CSMD1: variants seen among roughly 807,000 people sequenced by gnomAD.
CSMD1 encodes the protein CUB and Sushi multiple domains 1.
A neutral mutation model predicts 417.5 loss-of-function variants in CSMD1; 213 were observed. The ratio of observed to expected loss-of-function variants is 0.51; its 90% CI spans 0.46 to 0.57. The LOEUF (loss-of-function observed/expected upper bound fraction) is 0.57. CSMD1 is among the 20% of genes least tolerant of loss of function. CSMD1 has a pLI of 0.00. For missense variants in CSMD1, 6,923 were observed against 4,529.7 expected (o/e 1.53, Z -15.17); for synonymous variants, 2,862 against 1,736.8 (o/e 1.65, Z -16.11).
At chr8:3,360,846 T>C (rs1237173504) in intron 20 of CSMD1, among the ~76,000 whole-genome samples, 1 of 149,506 alleles carries the variant, frequency 6.7e-6, no homozygotes, top group African/African-American at 2.4e-5. Context: ...TCCTCAAATC[T>C]GATCCTTCTT....
At chr8:4,440,129 G>T (rs764256621) in intron 2 of CSMD1, among the ~76,000 whole-genome samples, 2 of 152,112 alleles carry the variant, frequency 1.3e-5, no homozygotes, top group African/African-American at 4.8e-5. Flanking sequence ...TTAAAGTGCA[G>T]CTTTGGTGTA....
chr8:4,157,612 T>C (rs1042741201), intron 3 of CSMD1, among the ~76,000 whole-genome samples: 1 of 152,184 alleles, frequency 6.6e-6, no homozygotes, highest in African/African-American at 2.4e-5. Context: ...TGCAAATCTT[T>C]CACGCAGAGT....
At chr8:4,795,042 T>A (rs1255771951) in intron 1 of CSMD1, among the ~76,000 whole-genome samples, 1 of 150,930 alleles carries the variant, frequency 6.6e-6, no homozygotes, top group Non-Finnish European at 1.5e-5. Flanking sequence ...GGTGGGTGGG[T>A]GTGTGTTTAA....
chr8:3,293,307 G>C (rs1563235036), intron 25 of CSMD1, among the ~76,000 whole-genome samples: 1 of 151,974 alleles, frequency 6.6e-6, no homozygotes, highest in Non-Finnish European at 1.5e-5. Flanking sequence ...ATGTGTCTTT[G>C]AGTTGCTCTT....
chr8:4,403,914 T>G (rs570553243), intron 3 of CSMD1, among the ~76,000 whole-genome samples: 4 of 152,322 alleles, frequency 2.6e-5, no homozygotes, highest in East Asian at 1.9e-4. Flanking sequence ...ACACCCGCAT[T>G]AACTCCAATC....
chr8:4,410,955 T>A (rs562615202), intron 3 of CSMD1, among the ~76,000 whole-genome samples: 2 of 152,278 alleles, frequency 1.3e-5, no homozygotes, highest in African/African-American at 2.4e-5. Context: ...TGGGACTAGG[T>A]TAGTTATTGA....
intron 6 of CSMD1, among the ~76,000 whole-genome samples, chr8:3,738,822 G>A (rs1350657523): frequency 6.6e-6 from 1 of 152,132 alleles, no homozygotes; most frequent in African/African-American, 2.4e-5. Flanking sequence ...GTGACACCAT[G>A]TTTCTCTTCA....
intron 2 of CSMD1, among the ~76,000 whole-genome samples, chr8:4,428,166 C>A (rs1442643654): frequency 1.3e-5 from 2 of 152,192 alleles, no homozygotes; most frequent in African/African-American, 4.8e-5. Flanking sequence ...GTGAATCTGG[C>A]TTCACTTAAA....
intron 23 of CSMD1, among the ~76,000 whole-genome samples, chr8:3,336,098 C>G (rs546582173): frequency 6.6e-6 from 1 of 152,298 alleles, no homozygotes; most frequent in East Asian, 1.9e-4. Context: ...CCCTATCCCT[C>G]CTGAACCATG....
chr8:3,860,441 T>C (rs1373342579), intron 5 of CSMD1, among the ~76,000 whole-genome samples: 1 of 152,204 alleles, frequency 6.6e-6, no homozygotes, highest in East Asian at 1.9e-4. Flanking sequence ...AAAACTTTTT[T>C]TTCCTATTTG....
chr8:3,211,921 G>A (rs1347702683), intron 30 of CSMD1, among the ~76,000 whole-genome samples: 1 of 152,192 alleles, frequency 6.6e-6, no homozygotes, highest in Non-Finnish European at 1.5e-5. Context: ...AAGACAAGAG[G>A]GGGTGGAGGT....
At chr8:3,137,309 C>A (rs181801079) in intron 41 of CSMD1, among the ~76,000 whole-genome samples, 93 of 152,342 alleles carry the variant, frequency 6.1e-4, no homozygotes, top group African/African-American at 2.2e-3. Context: ...GGAGCACAGA[C>A]CTCAAACAAA....
At chr8:4,423,037 AAAG>A (rs1335296502) in intron 2 of CSMD1, among the ~76,000 whole-genome samples, 1 of 152,060 alleles carries the variant, frequency 6.6e-6, no homozygotes, top group Admixed American at 6.6e-5. Flanking sequence ...CCAACTTGAC[AAAG>A]AATATCTCTA....
chr8:4,081,038 G>C (rs867346256), intron 3 of CSMD1, among the ~76,000 whole-genome samples: 6 of 152,090 alleles, frequency 3.9e-5, no homozygotes, highest in Non-Finnish European at 8.8e-5. Context: ...GCCATGGAGG[G>C]ACACAAAGTT....
chr8:3,096,765 A>G, intron 47 of CSMD1, 84 bp downstream of exon 47: 1 of 901,778 alleles, frequency 1.1e-6, no homozygotes, highest in Non-Finnish European at 1.7e-6. Context: ...AATATATTCC[A>G]GTCTTTATGT....
At chr8:4,023,079 C>A (rs768148114) in intron 4 of CSMD1, among the ~76,000 whole-genome samples, 4 of 152,160 alleles carry the variant, frequency 2.6e-5, no homozygotes, top group Non-Finnish European at 4.4e-5. Context: ...TGAAATATGG[C>A]CTCATGGTTG....
chr8:4,921,082 A>C (rs1184910761), intron 1 of CSMD1, among the ~76,000 whole-genome samples: 1 of 151,168 alleles, frequency 6.6e-6, no homozygotes, highest in East Asian at 1.9e-4. Flanking sequence ...AAGAAAAAGA[A>C]AGAAAGAAAA....
chr8:3,895,269 C>T lies in CSMD1; in HGVS notation c.818+102634G>A, dbSNP rs551555856. On this transcript the variant is annotated intron_variant, in intron 5 of 69. Coordinates refer to ENST00000635120, the MANE Select transcript of CSMD1 (RefSeq NM_033225.6). The stretch of plus-strand genomic sequence containing the variant: ...CTTACAACAACAAAGAGATGGTCTA[C>T]TGCTTTCTATTTAAATTATGTAAAG... Among the ~76,000 whole-genome samples, 16 of 152,238 alleles carry T rather than the reference C, an allele frequency of 1.1e-4. No individual in the cohort carries two copies. The South Asian group carries it at 3.3e-3, about 32-fold the overall frequency.
intron 5 of CSMD1, among the ~76,000 whole-genome samples, chr8:3,914,359 C>T (rs548438740): frequency 5.3e-5 from 8 of 151,950 alleles, no homozygotes; most frequent in East Asian, 1.9e-4. Context: ...TGTCCCATTA[C>T]GTTGGATAGA....
Sources: allele counts gnomAD v4.1 joint callset (sites outside exome capture counted in the v4.1 genomes callset), GRCh38; gene constraint gnomAD v4.1.1; transcripts MANE v1.5; gene names NCBI Gene and HGNC (gene_info 2026-07-23, HGNC 2026-07-21).